The following FTO variants were observed in gnomAD, a reference collection of about 807,000 sequenced individuals.
FTO encodes the protein FTO alpha-ketoglutarate dependent dioxygenase.
Under a neutral mutation model 63.9 loss-of-function variants are expected in FTO, and 47 were observed. The observed-to-expected ratio is 0.74, with a 90% CI of 0.58 to 0.94. The LOEUF (loss-of-function observed/expected upper bound fraction) is 0.94. Ranked by LOEUF, FTO falls within the 40% of genes least tolerant of loss-of-function variation. The pLI, the probability that FTO is intolerant of heterozygous loss-of-function variation, is 0.00. For missense variants in FTO, 562 were observed against 618.1 expected (o/e 0.91, Z 0.96); for synonymous variants, 207 against 224.4 (o/e 0.92, Z 0.69).
At chr16:53,952,974 G>C (rs2082833708) in intron 8 of FTO, among the ~76,000 whole-genome samples, 1 of 152,164 alleles carries the variant, frequency 6.6e-6, no homozygotes, top group South Asian at 2.1e-4. Flanking sequence ...TGACTTGGGT[G>C]AGGTGTTAAG....
intron 8 of FTO, among the ~76,000 whole-genome samples, chr16:53,980,181 TTA>T (rs1286278191): frequency 1.3e-5 from 2 of 152,188 alleles, no homozygotes; most frequent in Non-Finnish European, 2.9e-5. Flanking sequence ...CTCTTTTCTA[TTA>T]TGTCTTCTAA....
chr16:53,774,788 G>C (rs1337661554), intron 1 of FTO, among the ~76,000 whole-genome samples: 4 of 152,038 alleles, frequency 2.6e-5, no homozygotes, highest in African/African-American at 9.7e-5. Context: ...ACTCGGGAAG[G>C]GCTAAGAATC....
intron 1 of FTO, among the ~76,000 whole-genome samples, chr16:53,761,398 A>G (rs1352970628): frequency 6.6e-6 from 1 of 152,046 alleles, no homozygotes; most frequent in Admixed American, 6.6e-5. Context: ...CACTGCACCC[A>G]GTATATTGTT....
intron 2 of FTO, among the ~76,000 whole-genome samples, chr16:53,825,193 T>C (rs2078971535): frequency 6.6e-6 from 1 of 152,198 alleles, no homozygotes. Context: ...ACTTAATGTC[T>C]AACTCCTGAA....
At chr16:53,914,608 C>T (rs915066660) in intron 7 of FTO, among the ~76,000 whole-genome samples, 2 of 152,034 alleles carry the variant, frequency 1.3e-5, no homozygotes, top group African/African-American at 4.8e-5. Flanking sequence ...AAGGGTAAAC[C>T]CCACAGCGTA....
intron 8 of FTO, among the ~76,000 whole-genome samples, chr16:54,074,528 G>A (rs535581447): frequency 6.6e-6 from 1 of 152,114 alleles, no homozygotes; most frequent in Admixed American, 6.5e-5. Context: ...TCATAAGCAG[G>A]TTTTCTTATC....
chr16:53,726,288 G>C (rs2076151812), intron 1 of FTO, among the ~76,000 whole-genome samples: 1 of 152,108 alleles, frequency 6.6e-6, no homozygotes, highest in Non-Finnish European at 1.5e-5. Context: ...TCTCATAATA[G>C]TATGGTTATA....
chr16:53,705,782 C>G (rs1477965465), intron 1 of FTO, among the ~76,000 whole-genome samples: 1 of 152,138 alleles, frequency 6.6e-6, no homozygotes, highest in East Asian at 1.9e-4. Flanking sequence ...TGCATGATGT[C>G]TTTCTCATCT....
chr16:53,897,084 G>A (rs370115209), intron 7 of FTO, among the ~76,000 whole-genome samples: 4 of 151,992 alleles, frequency 2.6e-5, no homozygotes, highest in African/African-American at 9.7e-5. Context: ...TTAACCAAAG[G>A]GAACTGTGAT....
chr16:53,837,518 TC>T (rs1292120426), intron 3 of FTO, among the ~76,000 whole-genome samples: 1 of 152,206 alleles, frequency 6.6e-6, no homozygotes, highest in Non-Finnish European at 1.5e-5. Flanking sequence ...TGTTTTTTTT[TC>T]TCACCCCTTC....
chr16:53,869,284 G>A (rs575155640), intron 4 of FTO, among the ~76,000 whole-genome samples: 10 of 151,492 alleles, frequency 6.6e-5, no homozygotes, highest in African/African-American at 1.2e-4. Flanking sequence ...TTTTTGCTCC[G>A]TTATAGATAA....
chr16:54,004,953 G>A (rs556422287), intron 8 of FTO, among the ~76,000 whole-genome samples: 280 of 151,362 alleles, frequency 1.8e-3, no homozygotes, highest in African/African-American at 5.8e-3. Context: ...GCCTGTAGTC[G>A]CAGCTACTTG....
At chr16:53,925,316 T>C (rs889643587) in intron 7 of FTO, among the ~76,000 whole-genome samples, 3 of 152,172 alleles carry the variant, frequency 2.0e-5, no homozygotes, top group Non-Finnish European at 4.4e-5. Context: ...CAGCTATGTA[T>C]ATAAAAAGTG....
intron 8 of FTO, among the ~76,000 whole-genome samples, chr16:53,964,165 A>G (rs1319583028): frequency 6.6e-6 from 1 of 152,222 alleles, no homozygotes; most frequent in African/African-American, 2.4e-5. Flanking sequence ...GCCTTTGTTC[A>G]GGTCAGGGAT....
chr16:53,826,472 G>A lies in FTO; in HGVS notation c.732G>A (p.Val244=), dbSNP rs752966438. 5.0e-6 allele frequency: 8 copies of A among 1,614,156 alleles called. No individual in the cohort carries two copies. Among genetic ancestry groups the A allele is most frequent in the Non-Finnish European group, 6.8e-6 (8 of 1,180,020 alleles). The change falls in exon 3 of 9, where the codon GTG becomes GTA. Residue 244 remains valine, a synonymous_variant. Transcript: ENST00000471389. The part of the protein sequence containing the change: ...ENLVDRSAVA[V]YSYSCEGPEE... Reference sequence around the variant, plus strand: ...TGGTGGACAGGTCAGCGGTGGCAGTGTACAGTTATAGCTGTGAAGGTACAG... The same window carrying A: ...TGGTGGACAGGTCAGCGGTGGCAGTATACAGTTATAGCTGTGAAGGTACAG...
intron 8 of FTO, among the ~76,000 whole-genome samples, chr16:53,964,386 C>T (rs940192848): frequency 1.3e-5 from 2 of 152,140 alleles, no homozygotes; most frequent in African/African-American, 4.8e-5. Context: ...TTACCAACCC[C>T]TAGTTGAGGC....
At chr16:53,844,544 C>T (rs1336220473) in intron 4 of FTO, among the ~76,000 whole-genome samples, 5 of 152,116 alleles carry the variant, frequency 3.3e-5, no homozygotes, top group Non-Finnish European at 7.4e-5. Context: ...ATTGCCGTTT[C>T]CACCTCCTGG....
At chr16:53,990,401 G>A (rs375416509) in intron 8 of FTO, among the ~76,000 whole-genome samples, 12 of 152,262 alleles carry the variant, frequency 7.9e-5, no homozygotes, top group African/African-American at 2.9e-4. Context: ...AAGCCTGGCA[G>A]GGGTGAGTAG....
At chr16:54,067,692 C>T (rs189074895) in intron 8 of FTO, among the ~76,000 whole-genome samples, 17 of 152,304 alleles carry the variant, frequency 1.1e-4, no homozygotes, top group Middle Eastern at 3.4e-3. Flanking sequence ...AGTATTTGAA[C>T]GTGAAAGCAC....
Sources: allele counts gnomAD v4.1 joint callset (sites outside exome capture counted in the v4.1 genomes callset), GRCh38; gene constraint gnomAD v4.1.1; transcripts MANE v1.5; gene names NCBI Gene and HGNC (gene_info 2026-07-23, HGNC 2026-07-21).